SRR: variants seen among roughly 807,000 people sequenced by gnomAD.
The protein encoded by SRR is serine racemase, also known as D-serine ammonia-lyase.
Under a neutral mutation model 32.7 loss-of-function variants are expected in SRR, and 19 were observed. That is an observed-to-expected ratio of 0.58 (90% CI 0.40 to 0.85). SRR has a LOEUF of 0.85. SRR is among the 40% of genes least tolerant of loss of function. The pLI, the probability that SRR is intolerant of heterozygous loss-of-function variation, is 0.00. For synonymous variants in SRR, 142 were observed against 140.9 expected (o/e 1.01, Z -0.06); for missense variants, 373 against 404.7 (o/e 0.92, Z 0.67).
chr17:2,319,938 C>T (rs943246876), intron 4 of SRR, among the ~76,000 whole-genome samples: 1 of 151,588 alleles, frequency 6.6e-6, no homozygotes, highest in East Asian at 2.0e-4. Flanking sequence ...CTTGCCTCAG[C>T]CTCCCGAGTA....
chr17:2,303,532 G>C (rs1473462190), upstream of SRR: 1 of 1,338,168 alleles, frequency 7.5e-7, no homozygotes, highest in African/African-American at 1.5e-5. Context: ...GGGAAGGGGC[G>C]GGGGCTCCGG....
chr17:2,311,736 T>C (rs2075435321), intron 1 of SRR, among the ~76,000 whole-genome samples: 1 of 152,202 alleles, frequency 6.6e-6, no homozygotes, highest in Admixed American at 6.5e-5. Flanking sequence ...AGAATTGATA[T>C]GTGAGAAAAG....
At chr17:2,320,128 T>A (rs2075513685) in intron 4 of SRR, among the ~76,000 whole-genome samples, 1 of 151,824 alleles carries the variant, frequency 6.6e-6, no homozygotes, top group African/African-American at 2.4e-5. Flanking sequence ...AGAACTTGTC[T>A]CTTTTCAAGT....
At chr17:2,303,835 T>G, upstream of SRR, 2 of 744,358 alleles carry the variant, frequency 2.7e-6, no homozygotes, top group Non-Finnish European at 2.0e-6. Flanking sequence ...CCCCGCCCCC[T>G]GCCGCCCTCC....
At chr17:2,323,369 A>G (rs142227912) in intron 7 of SRR, 24 bp downstream of exon 7, 1 of 1,613,226 alleles carries the variant, frequency 6.2e-7, no homozygotes, top group African/African-American at 1.3e-5. Context: ...AAGAAAAGAA[A>G]TAGCAAAGCA....
At chr17:2,313,392 C>T (rs1388899307) in intron 1 of SRR, among the ~76,000 whole-genome samples, 16 of 139,450 alleles carry the variant, frequency 1.1e-4, no homozygotes, top group Non-Finnish European at 2.3e-4. Context: ...ATGGCGCCAC[C>T]GCACTCCAGC....
At chr17:2,313,507 G>A (rs770237112) in intron 1 of SRR, among the ~76,000 whole-genome samples, 9 of 148,526 alleles carry the variant, frequency 6.1e-5, no homozygotes, top group Non-Finnish European at 1.2e-4. Flanking sequence ...AGGCCGAGGC[G>A]GGCGGATCAC....
chr17:2,306,648 T>G (rs1597256580), intron 1 of SRR: 1 of 347,784 alleles, frequency 2.9e-6, no homozygotes, highest in Admixed American at 4.0e-5. Flanking sequence ...ACCAAGGAGG[T>G]AGAGGCTGCA....
upstream of SRR, chr17:2,303,654 C>G: frequency 6.7e-7 from 1 of 1,489,686 alleles, no homozygotes; most frequent in Non-Finnish European, 8.9e-7. Flanking sequence ...GCCTGCGGGG[C>G]CAGAGTAGCC....
chr17:2,322,853 C>T (rs1226465381), intron 6 of SRR: 1 of 388,620 alleles, frequency 2.6e-6, no homozygotes, highest in Non-Finnish European at 4.9e-6. Context: ...CAACCTACCC[C>T]TCCCAAGTTC....
At chr17:2,318,221 T>C (rs924751550) in intron 3 of SRR, among the ~76,000 whole-genome samples, 1 of 152,094 alleles carries the variant, frequency 6.6e-6, no homozygotes, top group Admixed American at 6.6e-5. Flanking sequence ...CTCGGCTCAC[T>C]GTAACCTCCA....
At chr17:2,317,481 C>A (rs2075485544) in intron 2 of SRR, among the ~76,000 whole-genome samples, 1 of 148,770 alleles carries the variant, frequency 6.7e-6, no homozygotes. Context: ...CACTGCACTG[C>A]AGCCCGGGCT....
At chr17:2,317,293 C>T (rs905386762) in intron 2 of SRR, among the ~76,000 whole-genome samples, 13 of 149,582 alleles carry the variant, frequency 8.7e-5, no homozygotes, top group Non-Finnish European at 1.5e-5. Context: ...AGGCGGATAA[C>T]GAGGTCAAAA....
chr17:2,306,573 C>T (rs1274084309), intron 1 of SRR, among the ~76,000 whole-genome samples: 14 of 151,458 alleles, frequency 9.2e-5, no homozygotes, highest in East Asian at 5.9e-4. Flanking sequence ...AAAAACTAGC[C>T]GGGCGTGGTG....
At chr17:2,317,020 C>G (rs931105926) in intron 2 of SRR, among the ~76,000 whole-genome samples, 1 of 150,982 alleles carries the variant, frequency 6.6e-6, no homozygotes, top group East Asian at 2.0e-4. Flanking sequence ...CCGCACCCAG[C>G]CTTGGTGAAA....
chr17:2,311,752 G>T (rs961944947), intron 1 of SRR, among the ~76,000 whole-genome samples: 5 of 152,176 alleles, frequency 3.3e-5, no homozygotes, highest in Non-Finnish European at 5.9e-5. Flanking sequence ...AAAAGCCAAT[G>T]AATTTTAGAG....
chr17:2,311,622 CAA>C (rs1364770259), intron 1 of SRR, among the ~76,000 whole-genome samples: 1 of 152,144 alleles, frequency 6.6e-6, no homozygotes, highest in Non-Finnish European at 1.5e-5. Flanking sequence ...GCCTGGACGA[CAA>C]GAGACCCCGT....
chr17:2,320,109 C>T (rs888710184), intron 4 of SRR, among the ~76,000 whole-genome samples: 25 of 151,050 alleles, frequency 1.7e-4, no homozygotes, highest in Non-Finnish European at 2.4e-4. Context: ...TGAGCCACCA[C>T]GCCTGGCCAG....
chr17:2,312,487 C>T (rs748750560), intron 1 of SRR, among the ~76,000 whole-genome samples: 3 of 151,540 alleles, frequency 2.0e-5, no homozygotes, highest in Non-Finnish European at 2.9e-5. Context: ...CCCAGCTACT[C>T]GGGAGGCTGA....
Sources: gnomAD v4.1 joint callset for allele counts (sites outside exome capture counted in the v4.1 genomes callset) on GRCh38, gnomAD v4.1.1 for gene constraint, MANE v1.5 for transcripts, NCBI Gene and HGNC (gene_info 2026-07-23, HGNC 2026-07-21) for gene names.